Variants in KIF5C observed in about 807,000 individuals in gnomAD.
The protein encoded by KIF5C is kinesin heavy chain isoform 5C.
In KIF5C, 18 loss-of-function variants were observed where a neutral mutation model predicts 125.2. The observed-to-expected ratio is 0.14, with a 90% CI of 0.10 to 0.21. The LOEUF is 0.21. Ranked by LOEUF, KIF5C falls within the 10% of genes least tolerant of loss-of-function variation. KIF5C has a pLI of 1.00. For missense variants in KIF5C, 780 were observed against 1,183.8 expected (o/e 0.66, Z 5.01); for synonymous variants, 405 against 434.0 (o/e 0.93, Z 0.83).
At chr2:148,942,552 A>G in intron 6 of KIF5C, 121 bp from the exon 7 acceptor site, 1 of 1,481,794 alleles carries the variant, frequency 6.7e-7, no homozygotes, top group Non-Finnish European at 9.1e-7. Flanking sequence ...TGTTGGATCG[A>G]TATTTCAGCC....
chr2:148,971,596 G>A (rs913557282), intron 11 of KIF5C, among the ~76,000 whole-genome samples: 2 of 152,190 alleles, frequency 1.3e-5, no homozygotes, highest in East Asian at 3.8e-4. Context: ...CTTAAGTATA[G>A]CAGTCTTGTT....
chr2:148,953,935 G>A (rs964569999), intron 10 of KIF5C, among the ~76,000 whole-genome samples: 1 of 152,004 alleles, frequency 6.6e-6, no homozygotes, highest in Admixed American at 6.5e-5. Context: ...GAACATGCAG[G>A]TTTGTTATAT....
In KIF5C at chr2:148,875,529, TG is replaced by T; in HGVS notation, c.-86del. 2 of 1,123,214 alleles carry T rather than the reference TG, an allele frequency of 1.8e-6. No homozygotes were observed. Among genetic ancestry groups the T allele is most frequent in the East Asian group, 2.6e-5 (1 of 38,564 alleles). 69.6% of individuals were successfully genotyped at this position (1,123,214 alleles called of 1,614,324 possible). A position where few individuals can be genotyped will look rare whatever the true frequency, so the allele number is the denominator to read the frequency against. On this transcript the variant is annotated 5_prime_UTR_variant, in exon 1 of 26. Coordinates refer to ENST00000435030, the MANE Select transcript of KIF5C (RefSeq NM_004522.3). ...GAGGCTGCAGGAGGCGGCCTAGCTG[TG>T]GGCGGTGCAGCTCGCGGCCTCCTCC...
At chr2:148,945,539 G>C (rs1184165236) in intron 7 of KIF5C, among the ~76,000 whole-genome samples, 3 of 152,074 alleles carry the variant, frequency 2.0e-5, no homozygotes, top group Non-Finnish European at 4.4e-5. Context: ...GATTCCTGTA[G>C]CTTTGTAGTA....
At chr2:148,903,321 C>T (rs1278160960) in intron 1 of KIF5C, among the ~76,000 whole-genome samples, 1 of 152,210 alleles carries the variant, frequency 6.6e-6, no homozygotes, top group East Asian at 1.9e-4. Context: ...CACTGAAGCT[C>T]ATTCCAGCAG....
intron 12 of KIF5C, among the ~76,000 whole-genome samples, chr2:148,976,722 A>T (rs956062714): frequency 2.6e-5 from 4 of 151,536 alleles, no homozygotes; most frequent in Non-Finnish European, 5.9e-5. Flanking sequence ...CTACAGGCAC[A>T]TACCACCACA....
chr2:148,997,424 A>G lies in KIF5C; in HGVS notation c.2100+84A>G, dbSNP rs1459403582. On this transcript the variant is annotated intron_variant, in intron 18 of 25. Coordinates refer to ENST00000435030, the MANE Select transcript of KIF5C (RefSeq NM_004522.3). Reference sequence around the variant, plus strand: ...AATGCTTGTTCTAGGAAAATCTGTCACCTTCAGATCCGTATATGGCAAGGG... The same window carrying G: ...AATGCTTGTTCTAGGAAAATCTGTCGCCTTCAGATCCGTATATGGCAAGGG... The G allele has an allele frequency of 3.8e-6, 6 of 1,595,646 alleles. No individual in the cohort carries two copies. In the Admixed American group the frequency reaches 8.8e-5, roughly 23 times the overall value.
chr2:148,974,239 A>T (rs1054989032), intron 12 of KIF5C, among the ~76,000 whole-genome samples: 3 of 152,220 alleles, frequency 2.0e-5, no homozygotes, highest in Non-Finnish European at 4.4e-5. Context: ...TTGCCCTTGG[A>T]ATATTCTAAA....
rs373679506 is a variant in KIF5C at position 148,979,032 on chromosome 2, A to G, written c.1362+42A>G. ...ATTTTTTTTTCCACAAAGTTCTTCTATTACTCTTTGTTGTTGATGTTTGTT... is the reference window on the plus strand; with the variant it reads ...ATTTTTTTTTCCACAAAGTTCTTCTGTTACTCTTTGTTGTTGATGTTTGTT... On this transcript the variant is annotated intron_variant, in intron 13 of 25. Transcript: ENST00000435030. The G allele has an allele frequency of 3.7e-5, 56 of 1,503,558 alleles. No individual in the cohort carries two copies. The African/African-American group carries it at 6.9e-4, about 19-fold the overall frequency. The allele number at this position is 1,503,558 out of a possible 1,614,324, so 93.1% of individuals were successfully genotyped here. A position where few individuals can be genotyped will look rare whatever the true frequency, so the allele number is the denominator to read the frequency against.
intron 1 of KIF5C, among the ~76,000 whole-genome samples, chr2:148,883,312 T>C (rs1246760560): frequency 3.3e-5 from 5 of 151,964 alleles, no homozygotes; most frequent in Non-Finnish European, 7.4e-5. Flanking sequence ...CCATCCTGGC[T>C]AACATGGTGA....
intron 25 of KIF5C, chr2:149,020,492 A>G: frequency 6.6e-6 from 1 of 152,408 alleles, no homozygotes; most frequent in Non-Finnish European, 1.5e-5. Flanking sequence ...TTTGACTGAG[A>G]GGCCTTCCAG....
In KIF5C at chr2:149,024,515, AGTGTGTGTGTGTGTGTGT is replaced by A. The variant is rs10577971; in HGVS notation, c.*1474_*1491del. ...GACTGTGTGGGTCGAAGGTAGCTCA[AGTGTGTGTGTGTGTGTGT>A]GTGTGTGTGTGTGTGTGTGTGTGTG... is the stretch of plus-strand genomic sequence containing the variant. On this transcript the variant is annotated 3_prime_UTR_variant, in exon 26 of 26. Coordinates refer to ENST00000435030, the MANE Select transcript of KIF5C (RefSeq NM_004522.3). 335 of 128,750 alleles carry A rather than the reference AGTGTGTGTGTGTGTGTGT, an allele frequency of 2.6e-3. No homozygotes were observed. Among genetic ancestry groups the A allele is most frequent in the African/African-American group, 3.4e-3 (119 of 35,338 alleles). The allele number at this position is 128,750 out of a possible 1,614,324, so 8.0% of individuals were successfully genotyped here. A position where few individuals can be genotyped will look rare whatever the true frequency, so the allele number is the denominator to read the frequency against.
rs567802806 is a variant in KIF5C at position 149,010,312 on chromosome 2, G to T, written c.2728G>T (p.Ala910Ser). The change falls in exon 24 of 26, where the codon GCC becomes TCC. Residue 910 changes from alanine to serine, a missense_variant. By Grantham distance (99) the Ala-to-Ser change is moderately conservative. Transcript: ENST00000435030. ...EVDRIKEAVR[A>S]KNMARRAHSA... ...GGATCGTATCAAGGAGGCCGTGCGG[G>T]CCAAGAACATGGCCAGAAGGGCCCA... is the stretch of plus-strand genomic sequence containing the variant. The T allele has an allele frequency of 8.5e-5, 136 of 1,593,628 alleles. 2 individuals carry two copies. In the South Asian group the frequency reaches 1.4e-3, roughly 16 times the overall value.
intron 11 of KIF5C, among the ~76,000 whole-genome samples, chr2:148,967,907 C>G (rs1415784310): frequency 3.9e-5 from 6 of 152,080 alleles, no homozygotes; most frequent in Non-Finnish European, 8.8e-5. Context: ...ATTACAGCTC[C>G]AGCTCATGCT....
At chr2:148,904,311 A>T (rs1300099618) in intron 1 of KIF5C, among the ~76,000 whole-genome samples, 1 of 152,206 alleles carries the variant, frequency 6.6e-6, no homozygotes, top group East Asian at 1.9e-4. Context: ...GCATCAGACG[A>T]TCTGCAAATC....
chr2:148,885,348 G>A (rs1215239942), intron 1 of KIF5C, among the ~76,000 whole-genome samples: 1 of 152,152 alleles, frequency 6.6e-6, no homozygotes, highest in Non-Finnish European at 1.5e-5. Flanking sequence ...CACCTGGAAA[G>A]CTATTTAAAG....
intron 3 of KIF5C, 149 bp from the exon 4 acceptor site, chr2:148,937,135 C>A: frequency 8.6e-7 from 1 of 1,160,266 alleles, no homozygotes; most frequent in Non-Finnish European, 1.2e-6. Flanking sequence ...GTTGGCAAGT[C>A]AGGTAGATGC....
intron 10 of KIF5C, among the ~76,000 whole-genome samples, chr2:148,955,609 T>C (rs554907379): frequency 2.8e-4 from 42 of 152,064 alleles, no homozygotes; most frequent in Non-Finnish European, 4.9e-4. Flanking sequence ...TGTATGTATA[T>C]ATAGTAGGAT....
At chr2:148,943,171 G>A (rs1682445938) in intron 7 of KIF5C, among the ~76,000 whole-genome samples, 1 of 152,126 alleles carries the variant, frequency 6.6e-6, no homozygotes. Context: ...TCACACACAT[G>A]GAAATAAACC....
Sources: allele counts gnomAD v4.1 joint callset (sites outside exome capture counted in the v4.1 genomes callset), GRCh38; gene constraint gnomAD v4.1.1; transcripts MANE v1.5; gene names NCBI Gene and HGNC (gene_info 2026-07-23, HGNC 2026-07-21).